Variants in OR9Q1 observed in about 807,000 individuals in gnomAD.
OR9Q1 encodes the protein olfactory receptor 9Q1.
For synonymous variants in OR9Q1, 153 were observed against 148.6 expected, an observed-to-expected ratio of 1.03 and a Z score of -0.22; for missense variants, 374 against 378.8, an observed-to-expected ratio of 0.99 and a Z score of 0.11.
In OR9Q1 at chr11:58,180,123, G is replaced by A. The variant is rs371905454; in HGVS notation, c.679G>A (p.Gly227Arg). 6.2e-7 allele frequency: 1 copy of A among 1,613,988 alleles called. No homozygotes were observed. Among genetic ancestry groups the A allele is most frequent in the African/African-American group, 1.3e-5 (1 of 74,890 alleles). Residue 227 changes from glycine to arginine, a missense_variant, in exon 3 of 3, where the codon GGG (glycine) becomes AGG (arginine). Physicochemically the swap from Gly to Arg is moderately radical, Grantham distance 125. Coordinates refer to ENST00000335397, the MANE Select transcript of OR9Q1 (RefSeq NM_001005212.4). ...SYLFIIVAIM[G>R]IPAGSQAKTF... is the part of the protein sequence containing the mutation. Reference sequence around the variant, plus strand: ...CCTGTTTATCATCGTGGCCATCATGGGGATCCCTGCTGGAAGCCAGGCCAA... The same window carrying A: ...CCTGTTTATCATCGTGGCCATCATGAGGATCCCTGCTGGAAGCCAGGCCAA...
Position 58,181,564 on chromosome 11 carries a change from T to TAAAAAAAAAAAAAAAAAAAAAAAAACAAA in OR9Q1, c.*1210_*1211insAACAAAAAAAAAAAAAAAAAAAAAAAAAA, listed in dbSNP as rs753893952. On this transcript the variant is annotated 3_prime_UTR_variant, in exon 3 of 3. Transcript: ENST00000335397. Reference sequence around the variant, plus strand: ...CTTCTTTTCCTGTCTCCTGGATTACTAAAAAAAAAAAAAAAAAAAAAAATC... The same window carrying TAAAAAAAAAAAAAAAAAAAAAAAAACAAA: ...CTTCTTTTCCTGTCTCCTGGATTACTAAAAAAAAAAAAAAAAAAAAAAAAACAAAAAAAAAAAAAAAAAAAAAAAAAATC... The TAAAAAAAAAAAAAAAAAAAAAAAAACAAA allele has an allele frequency of 1.3e-5, 1 of 74,952 alleles. No homozygotes were observed. Among genetic ancestry groups the TAAAAAAAAAAAAAAAAAAAAAAAAACAAA allele is most frequent in the Non-Finnish European group, 3.0e-5 (1 of 33,564 alleles). The allele number at this position is 74,952 out of a possible 1,614,324, so 4.6% of individuals were successfully genotyped here. A position where few individuals can be genotyped will look rare whatever the true frequency, so the allele number is the denominator to read the frequency against.
At chr11:58,161,549 G>GT (rs567452505) in intron 2 of OR9Q1, among the ~76,000 whole-genome samples, 32,714 of 145,744 alleles carry the variant, frequency 0.22, 4,379 homozygotes, top group African/African-American at 0.38. Flanking sequence ...GGCTTATTCT[G>GT]TTTTTTTTTT....
At chr11:58,062,034 A>G (rs1853384989) in intron 2 of OR9Q1, among the ~76,000 whole-genome samples, 1 of 152,212 alleles carries the variant, frequency 6.6e-6, no homozygotes, top group Admixed American at 6.5e-5. Flanking sequence ...CCCAGAAATG[A>G]CTAGTATAGG....
chr11:58,104,667 A>G (rs1853823048), intron 2 of OR9Q1, among the ~76,000 whole-genome samples: 1 of 152,156 alleles, frequency 6.6e-6, no homozygotes, highest in Admixed American at 6.5e-5. Flanking sequence ...CTTTTCTTTT[A>G]TCTTTGATGG....
chr11:58,127,076 A>C (rs1424174654), intron 2 of OR9Q1, among the ~76,000 whole-genome samples: 1 of 152,124 alleles, frequency 6.6e-6, no homozygotes, highest in Admixed American at 6.5e-5. Flanking sequence ...CTGCCTCCCT[A>C]GTAGCTAGGA....
intron 2 of OR9Q1, among the ~76,000 whole-genome samples, chr11:58,107,575 T>G (rs1207641724): frequency 6.6e-6 from 1 of 152,168 alleles, no homozygotes; most frequent in Non-Finnish European, 1.5e-5. Context: ...TAAACTTACG[T>G]GTGCACGTGT....
chr11:58,102,870 CTCT>C (rs1003523991), intron 2 of OR9Q1, among the ~76,000 whole-genome samples: 11 of 152,168 alleles, frequency 7.2e-5, no homozygotes, highest in Admixed American at 7.2e-4. Context: ...TTTCCCCCAT[CTCT>C]TCTTCTTTAG....
At chr11:58,172,334 T>C (rs1435644996) in intron 2 of OR9Q1, among the ~76,000 whole-genome samples, 1 of 152,166 alleles carries the variant, frequency 6.6e-6, no homozygotes, top group Non-Finnish European at 1.5e-5. Flanking sequence ...TTTATAGCAA[T>C]CTTAAAGTAA....
intron 2 of OR9Q1, among the ~76,000 whole-genome samples, chr11:58,086,863 G>A (rs1038449677): frequency 2.0e-5 from 3 of 151,622 alleles, no homozygotes; most frequent in African/African-American, 7.3e-5. Flanking sequence ...GAGTAAATGG[G>A]GAAAAGGGAG....
intron 2 of OR9Q1, among the ~76,000 whole-genome samples, chr11:58,076,786 C>G (rs12802761): frequency 6.6e-6 from 1 of 152,214 alleles, no homozygotes; most frequent in East Asian, 1.9e-4. Flanking sequence ...CATGCCTAGC[C>G]TAAGAACAGT....
At chr11:58,119,566 A>C (rs914881693) in intron 2 of OR9Q1, 7 of 660,310 alleles carry the variant, frequency 1.1e-5, no homozygotes, top group Non-Finnish European at 1.8e-5. Context: ...CTATTTGTAG[A>C]GTTTGTTTTT....
intron 1 of OR9Q1, among the ~76,000 whole-genome samples, chr11:58,052,927 A>G (rs1406956359): frequency 2.0e-5 from 3 of 151,894 alleles, no homozygotes; most frequent in African/African-American, 7.2e-5. Context: ...TAGAATGGCA[A>G]TCATTAAAAA....
At chr11:58,076,982 T>C (rs1162006887) in intron 2 of OR9Q1, among the ~76,000 whole-genome samples, 2 of 152,102 alleles carry the variant, frequency 1.3e-5, no homozygotes, top group South Asian at 2.1e-4. Flanking sequence ...ATAAAGAGAA[T>C]GACAGTTCTG....
At chr11:58,071,864 C>T (rs1410812400) in intron 2 of OR9Q1, among the ~76,000 whole-genome samples, 1 of 152,160 alleles carries the variant, frequency 6.6e-6, no homozygotes, top group Non-Finnish European at 1.5e-5. Context: ...TTGCTTATAA[C>T]ATATCTGGCA....
In OR9Q1 at chr11:58,059,687, C is replaced by CAAAAAAAAAA. The variant is rs58893511; in HGVS notation, c.-15+3760_-15+3769dup. ...TGGGTGACTGAGTGAGGCTCTGTCT[C>CAAAAAAAAAA]AAAAAAAAAAAAAAAAAAAAAAAAA... On this transcript the variant is annotated intron_variant, in intron 2 of 2. Transcript: ENST00000335397. Among the ~76,000 whole-genome samples, 18 of 40,194 alleles carry CAAAAAAAAAA rather than the reference C, an allele frequency of 4.5e-4. 2 individuals are homozygous for CAAAAAAAAAA. Among genetic ancestry groups the CAAAAAAAAAA allele is most frequent in the South Asian group, 4.8e-3 (2 of 416 alleles). 26.4% of individuals were successfully genotyped at this position (40,194 alleles called of 152,430 possible). A position where few individuals can be genotyped will look rare whatever the true frequency, so the allele number is the denominator to read the frequency against.
intron 1 of OR9Q1, among the ~76,000 whole-genome samples, chr11:58,033,303 TG>T (rs1853062474): frequency 7.1e-6 from 1 of 140,258 alleles, no homozygotes; most frequent in Non-Finnish European, 1.6e-5. Flanking sequence ...CACATGCACT[TG>T]TATGTTCATC....
intron 2 of OR9Q1, among the ~76,000 whole-genome samples, chr11:58,134,286 C>A (rs1854170664): frequency 6.6e-6 from 1 of 152,196 alleles, no homozygotes; most frequent in South Asian, 2.1e-4. Context: ...GTCATCAGAA[C>A]AGCTGTGCTA....
At chr11:58,153,071 A>G (rs1165903550) in intron 2 of OR9Q1, among the ~76,000 whole-genome samples, 3 of 152,204 alleles carry the variant, frequency 2.0e-5, no homozygotes, top group African/African-American at 7.2e-5. Flanking sequence ...ATTCTAGAAG[A>G]TAGAGGGATG....
At chr11:58,038,517 T>C (rs77936883) in intron 1 of OR9Q1, among the ~76,000 whole-genome samples, 6,107 of 152,262 alleles carry the variant, frequency 0.04, 127 homozygotes, top group East Asian at 0.06. Context: ...ATAAGACTTA[T>C]TAAGATGGAA....
Sources: gnomAD v4.1 joint callset for allele counts (sites outside exome capture counted in the v4.1 genomes callset) on GRCh38, gnomAD v4.1.1 for gene constraint, MANE v1.5 for transcripts, NCBI Gene and HGNC (gene_info 2026-07-23, HGNC 2026-07-21) for gene names.